The following PAK5 variants were observed in gnomAD, a reference collection of about 807,000 sequenced individuals.
PAK5 encodes p21 (RAC1) activated kinase 5.
Under a neutral mutation model 65.9 loss-of-function variants are expected in PAK5, and 16 were observed. The ratio of observed to expected loss-of-function variants is 0.24; its 90% CI spans 0.16 to 0.37. The LOEUF (loss-of-function observed/expected upper bound fraction) is 0.37. Ranked by LOEUF, PAK5 falls within the 10% of genes least tolerant of loss-of-function variation. PAK5 has a pLI of 1.00. For missense variants in PAK5, 785 were observed against 903.9 expected (o/e 0.87, Z 1.69); for synonymous variants, 371 against 354.9 (o/e 1.05, Z -0.51).
chr20:9,670,954 G>A (rs1427046979), intron 2 of PAK5, among the ~76,000 whole-genome samples: 1 of 152,148 alleles, frequency 6.6e-6, no homozygotes, highest in African/African-American at 2.4e-5. Flanking sequence ...TTTTGTATAA[G>A]GTGTAAGGAA....
At chr20:9,634,074 A>T (rs1233870943) in intron 3 of PAK5, among the ~76,000 whole-genome samples, 1 of 152,114 alleles carries the variant, frequency 6.6e-6, no homozygotes, top group Non-Finnish European at 1.5e-5. Flanking sequence ...TTACTCCTTG[A>T]TGGGGAGTAA....
intron 1 of PAK5, among the ~76,000 whole-genome samples, chr20:9,720,871 T>G (rs982978847): frequency 3.9e-5 from 6 of 152,094 alleles, no homozygotes; most frequent in Non-Finnish European, 8.8e-5. Flanking sequence ...ATTTTATAAG[T>G]GTACTTATAT....
rs759137045 is a variant in PAK5 at position 9,539,601 on chromosome 20, C to T, written c.2021G>A (p.Arg674Gln). The change falls in exon 10 of 10, where the codon CGG (arginine) becomes CAG (glutamine). Residue 674 changes from arginine (R) to glutamine (Q), a missense_variant. This residue lies in a region of PAK5 where 110 missense variants were observed against 107.4 expected (regional missense o/e 1.02). Coordinates refer to ENST00000353224, the MANE Select transcript of PAK5 (RefSeq NM_177990.4). ...CACCAACATCAAGTCTAGGAATCCC[C>T]GGAGCACTGAAGAAACCTGTGAAAA... ...KDLHKVSSVL[R>Q]GFLDLMLVRE... 2.0e-5 allele frequency: 33 copies of T among 1,613,226 alleles called. No individual in the cohort carries two copies. Among genetic ancestry groups the T allele is most frequent in the South Asian group, 8.8e-5 (8 of 91,042 alleles).
At chr20:9,810,896 T>C (rs2049291115) in intron 1 of PAK5, among the ~76,000 whole-genome samples, 1 of 152,130 alleles carries the variant, frequency 6.6e-6, no homozygotes, top group Admixed American at 6.5e-5. Flanking sequence ...CATATATACA[T>C]ACATACATAT....
chr20:9,573,858 T>C (rs1416880125), intron 4 of PAK5, among the ~76,000 whole-genome samples: 1 of 152,144 alleles, frequency 6.6e-6, no homozygotes, highest in Non-Finnish European at 1.5e-5. Context: ...CTGGTTCCAG[T>C]GCCTGAATGT....
intron 1 of PAK5, among the ~76,000 whole-genome samples, chr20:9,796,620 C>T (rs1025800837): frequency 5.3e-5 from 8 of 152,190 alleles, no homozygotes; most frequent in East Asian, 3.9e-4. Flanking sequence ...ATCACTCTTA[C>T]TGCTGCAGGA....
chr20:9,659,487 C>T (rs6039538), intron 2 of PAK5, among the ~76,000 whole-genome samples: 144,973 of 152,294 alleles, frequency 0.95, 69,035 homozygotes, highest in East Asian at 1. Flanking sequence ...TACCACTTGT[C>T]TGAAAACCTC....
chr20:9,833,563 T>C (rs922203142), intron 1 of PAK5, among the ~76,000 whole-genome samples: 2 of 151,608 alleles, frequency 1.3e-5, no homozygotes, highest in Admixed American at 6.6e-5. Flanking sequence ...ACACCACCTG[T>C]ATGTACCACC....
At chr20:9,716,158 TAA>T (rs35713086) in intron 1 of PAK5, among the ~76,000 whole-genome samples, 28 of 53,764 alleles carry the variant, frequency 5.2e-4, no homozygotes, top group East Asian at 1.6e-3. Context: ...AAAAAAAAAT[TAA>T]AAAAAAAAAA....
At chr20:9,560,022 T>A (rs73241776) in intron 6 of PAK5, among the ~76,000 whole-genome samples, 5 of 152,212 alleles carry the variant, frequency 3.3e-5, no homozygotes, top group African/African-American at 1.2e-4. Flanking sequence ...AGAACCACCA[T>A]CTTTAATAAA....
intron 1 of PAK5, among the ~76,000 whole-genome samples, chr20:9,833,966 G>C (rs1978946523): frequency 6.6e-6 from 1 of 151,988 alleles, no homozygotes; most frequent in Non-Finnish European, 1.5e-5. Flanking sequence ...TTTTTAGTTA[G>C]TAAAACACTG....
chr20:9,656,394 G>T (rs2047268806), intron 2 of PAK5, among the ~76,000 whole-genome samples: 2 of 152,130 alleles, frequency 1.3e-5, no homozygotes, highest in African/African-American at 4.8e-5. Context: ...CATCCCAAAT[G>T]CTTCTAAGGA....
At chr20:9,785,762 ATC>A (rs2048986196) in intron 1 of PAK5, among the ~76,000 whole-genome samples, 2 of 152,218 alleles carry the variant, frequency 1.3e-5, no homozygotes, top group East Asian at 3.8e-4. Flanking sequence ...GATTAATTTC[ATC>A]ATGTGTTGTC....
At chr20:9,762,878 C>A (rs1294540463) in intron 1 of PAK5, among the ~76,000 whole-genome samples, 1 of 152,158 alleles carries the variant, frequency 6.6e-6, no homozygotes, top group South Asian at 2.1e-4. Context: ...TGCCCATGAA[C>A]AGGAAAATGG....
At chr20:9,640,483 T>C (rs4816155) in intron 3 of PAK5, among the ~76,000 whole-genome samples, 58,448 of 151,928 alleles carry the variant, frequency 0.38, 11,872 homozygotes, top group South Asian at 0.63. Context: ...TGGGTTGGTT[T>C]CAAGTCTTTG....
intron 2 of PAK5, among the ~76,000 whole-genome samples, chr20:9,706,037 T>C (rs1234306551): frequency 6.6e-6 from 1 of 152,152 alleles, no homozygotes; most frequent in Non-Finnish European, 1.5e-5. Context: ...GCTATTCAAT[T>C]GACACAACTC....
At chr20:9,647,661 A>G (rs1037715007) in intron 2 of PAK5, among the ~76,000 whole-genome samples, 6 of 152,218 alleles carry the variant, frequency 3.9e-5, no homozygotes, top group Admixed American at 3.3e-4. Context: ...GAATTAATCT[A>G]CCTACACTGC....
chr20:9,824,861 A>G lies in PAK5; in HGVS notation c.-162+13901T>C, dbSNP rs1197943271. 7.9e-5 allele frequency among the ~76,000 whole-genome samples: 12 copies of G among 152,044 alleles called. No homozygotes were observed. In the East Asian group the frequency reaches 2.3e-3, roughly 29 times the overall value. On this transcript the variant is annotated intron_variant, in intron 1 of 9. Coordinates refer to ENST00000353224, the MANE Select transcript of PAK5 (RefSeq NM_177990.4). ...TCTATGTTCACAGAAGAACATTTTT[A>G]TCTTCTATATTCATTGATATGCCTC...
chr20:9,584,004 A>C (rs1288680502), intron 3 of PAK5, among the ~76,000 whole-genome samples: 1 of 152,132 alleles, frequency 6.6e-6, no homozygotes, highest in Non-Finnish European at 1.5e-5. Flanking sequence ...TATGGAATGT[A>C]GTCATTGTTG....
Sources: allele counts gnomAD v4.1 joint callset (sites outside exome capture counted in the v4.1 genomes callset), GRCh38; gene constraint gnomAD v4.1.1; regional missense constraint gnomAD v4.1.1; transcripts MANE v1.5; gene names NCBI Gene and HGNC (gene_info 2026-07-23, HGNC 2026-07-21).